The following PCNT variants were observed in gnomAD, a reference collection of about 807,000 sequenced individuals.
The protein encoded by PCNT is kendrin.
A neutral mutation model predicts 380.4 loss-of-function variants in PCNT; 319 were observed. That is an observed-to-expected ratio of 0.84 (90% CI 0.77 to 0.92). The LOEUF is 0.92. Among genes scored for constraint, PCNT ranks in the 40% least tolerant of loss-of-function variants. The pLI, the probability that PCNT is intolerant of heterozygous loss-of-function variation, is 0.00. For missense variants in PCNT, 4,400 were observed against 4,255.3 expected (o/e 1.03, Z -0.95); for synonymous variants, 1,845 against 1,735.2 (o/e 1.06, Z -1.57).
At chr21:46,355,242 G>A (rs997705540) in intron 11 of PCNT, among the ~76,000 whole-genome samples, 3 of 152,226 alleles carry the variant, frequency 2.0e-5, no homozygotes, top group Non-Finnish European at 1.5e-5. Flanking sequence ...TATGTCTTCC[G>A]GAGGCCTGAC....
At chr21:46,421,360 G>C (rs1336978471) in intron 31 of PCNT, among the ~76,000 whole-genome samples, 1 of 152,184 alleles carries the variant, frequency 6.6e-6, no homozygotes, top group Non-Finnish European at 1.5e-5. Context: ...TCTGGGTCTC[G>C]TGTCCCTTAC....
chr21:46,333,954 C>T (rs370454438), intron 2 of PCNT, among the ~76,000 whole-genome samples: 1 of 152,046 alleles, frequency 6.6e-6, no homozygotes, highest in Admixed American at 6.5e-5. Context: ...TGCCTGTAAT[C>T]CCAGCACTTT....
Position 46,346,883 on chromosome 21 carries a change from G to T in PCNT, c.861G>T (p.Arg287=), listed in dbSNP as rs891341743. Reference sequence around the variant, plus strand: ...AGCTGCGGGAGATGCTCAACAGCCGGCGTGCCCAGGAGCTGGCCCTGCTAC... The same window carrying T: ...AGCTGCGGGAGATGCTCAACAGCCGTCGTGCCCAGGAGCTGGCCCTGCTAC... ...LTELREMLNS[R]RAQELALLQS... is the part of the protein sequence containing the mutation. The change falls in exon 5 of 47, where the codon CGG becomes CGT. Residue 287 remains arginine (R), a synonymous_variant. Coordinates refer to ENST00000359568, the MANE Select transcript of PCNT (RefSeq NM_006031.6). 2.4e-5 allele frequency: 39 copies of T among 1,607,168 alleles called. No homozygotes were observed. The highest frequency in any genetic ancestry group is 3.3e-5 in the Non-Finnish European group (39 of 1,177,696).
intron 32 of PCNT, among the ~76,000 whole-genome samples, chr21:46,424,690 CT>C (rs2087412606): frequency 1.7e-5 from 1 of 57,806 alleles, no homozygotes; most frequent in Non-Finnish European, 4.1e-5. Context: ...CGCCGCCCTG[CT>C]CCCCCGGCCC....
intron 29 of PCNT, among the ~76,000 whole-genome samples, chr21:46,413,973 G>A (rs958062631): frequency 6.7e-6 from 1 of 149,628 alleles, no homozygotes; most frequent in Non-Finnish European, 1.5e-5. Flanking sequence ...GGTGCAGATG[G>A]CACCTTTATT....
intron 12 of PCNT, 116 bp downstream of exon 12, chr21:46,355,742 G>T: frequency 2.0e-6 from 2 of 1,008,966 alleles, no homozygotes; most frequent in Non-Finnish European, 3.0e-6. Context: ...TGAGTGCTCC[G>T]ACCTCTTCTT....
chr21:46,347,069 T>C lies in PCNT; in HGVS notation c.976+71T>C, dbSNP rs982874325. ...GGGCATTCTAGTGCCTGTTCCCTCT[T>C]GGGGTTGGGAGCTGGGGCGCCCTAG... is the stretch of plus-strand genomic sequence containing the variant. On this transcript the variant is annotated intron_variant, in intron 5 of 46. Transcript: ENST00000359568. 5 of 1,542,506 alleles carry C rather than the reference T, an allele frequency of 3.2e-6. No individual in the cohort carries two copies. In the African/African-American group the frequency reaches 6.8e-5, roughly 21 times the overall value.
At chr21:46,443,727 T>C in intron 44 of PCNT, 83 bp from the exon 45 acceptor site, 1 of 1,362,590 alleles carries the variant, frequency 7.3e-7, no homozygotes, top group Non-Finnish European at 1.1e-6. Context: ...GCTTATACGT[T>C]TAAACTGTTG....
In PCNT at chr21:46,416,310, C is replaced by G; in HGVS notation, c.6392C>G (p.Ala2131Gly). 6.2e-7 allele frequency: 1 copy of G among 1,613,920 alleles called. No individual in the cohort carries two copies. Among genetic ancestry groups the G allele is most frequent in the Non-Finnish European group, 8.5e-7 (1 of 1,179,886 alleles). The change falls in exon 30 of 47, where the codon GCC becomes GGC. Residue 2131 changes from alanine to glycine, a missense_variant. Coordinates refer to ENST00000359568, the MANE Select transcript of PCNT (RefSeq NM_006031.6). ...DISPHIDTCD[A>G]NTATGGVTDV... ...TCACCCCACATAGACACATGTGATG[C>G]CAATACAGCCACGGGGGGTGTAACT...
chr21:46,386,126 C>T, intron 17 of PCNT, 143 bp downstream of exon 17: 1 of 937,370 alleles, frequency 1.1e-6, no homozygotes. Context: ...GACCCGGCTT[C>T]CTTCTTCTCT....
intron 24 of PCNT, among the ~76,000 whole-genome samples, chr21:46,399,088 G>C (rs1368293280): frequency 6.7e-6 from 1 of 149,206 alleles, no homozygotes; most frequent in East Asian, 2.0e-4. Context: ...CAGAGTGCTG[G>C]GATTACAGGC....
intron 44 of PCNT, 147 bp from the exon 45 acceptor site, chr21:46,443,663 T>C (rs1049841445): frequency 2.0e-5 from 16 of 797,864 alleles, no homozygotes; most frequent in South Asian, 6.1e-5. Context: ...TAAAAAGATA[T>C]TGTACCTTGA....
At position 46,411,905 on chromosome 21, in the gene PCNT, G is replaced by C. The variant is rs1224514294; in HGVS notation, c.5832G>C (p.Gln1944His). ...QVLHQRFLRC[Q>H]VELDRRQARR... ...TGCACCAGCGGTTCCTGAGGTGCCA[G>C]GTGGAGCTGGACAGGCGGCAGGCCC... Residue 1944 changes from glutamine (Q) to histidine (H), a missense_variant, in exon 28 of 47, where the codon CAG becomes CAC. Coordinates refer to ENST00000359568, the MANE Select transcript of PCNT (RefSeq NM_006031.6). 6.3e-7 allele frequency: 1 copy of C among 1,584,720 alleles called. No homozygotes were observed. Among genetic ancestry groups the C allele is most frequent in the Admixed American group, 1.7e-5 (1 of 57,736 alleles).
In PCNT at chr21:46,366,679, A is replaced by G. The variant is rs2146920939; in HGVS notation, c.2705A>G (p.Gln902Arg). 1.9e-6 allele frequency: 3 copies of G among 1,613,802 alleles called. No homozygotes were observed. The highest frequency in any genetic ancestry group is 2.5e-6 in the Non-Finnish European group (3 of 1,179,966). The change falls in exon 15 of 47, where the codon CAG becomes CGG. Residue 902 changes from glutamine to arginine, a missense_variant. Transcript: ENST00000359568. ...CAGGAGCAGCATGCCCGTGAGCTGC[A>G]GCTCCTCCAGGAGAGACACCAGCAG... is the stretch of plus-strand genomic sequence containing the variant. ...EAQEQHAREL[Q>R]LLQERHQQQL... is the part of the protein sequence containing the mutation.
rs781666729 is a variant in PCNT, at chr21:46,425,947, C to G, written c.7296C>G (p.Ile2432Met). ...GGAAGGAAGACGAGATACAGGACAT[C>G]TCGCTCCATGGGGGAAAGACGCAGG... ...PPRKEDEIQD[I>M]SLHGGKTQEV... Residue 2432 changes from isoleucine to methionine, a missense_variant, in exon 33 of 47, where the codon ATC (isoleucine) becomes ATG (methionine). By Grantham distance (10) the Ile-to-Met change is conservative (BLOSUM62 1). Coordinates refer to ENST00000359568, the MANE Select transcript of PCNT (RefSeq NM_006031.6). This position sits in a 1 kb window ranked among gnomAD's most constrained non-coding sequence, Gnocchi z 4.2. 3.1e-6 allele frequency: 5 copies of G among 1,613,968 alleles called. No individual in the cohort carries two copies. The highest frequency in any genetic ancestry group is 4.2e-6 in the Non-Finnish European group (5 of 1,180,040).
At chr21:46,410,729 A>G (rs1352082086) in intron 27 of PCNT, among the ~76,000 whole-genome samples, 1 of 152,168 alleles carries the variant, frequency 6.6e-6, no homozygotes, top group East Asian at 1.9e-4. Flanking sequence ...CGTCACCACG[A>G]GCAGTGTTGG....
rs1451847666 is a variant in PCNT, at chr21:46,443,791, T to G, written c.9701-19T>G. The G allele has an allele frequency of 2.2e-5, 35 of 1,613,332 alleles. No homozygotes were observed. Among genetic ancestry groups the G allele is most frequent in the Non-Finnish European group, 2.9e-5 (34 of 1,179,568 alleles). ...ATTTATTTTCCTAATCCCTTGGTTG[T>G]TAAATAATTCTGGGGAAGGGCCCCG... On this transcript the variant is annotated intron_variant, in intron 44 of 46. Coordinates refer to ENST00000359568, the MANE Select transcript of PCNT (RefSeq NM_006031.6).
At position 46,419,641 on chromosome 21, in the gene PCNT, G is replaced by A. The variant is rs113659986; in HGVS notation, c.7024+1335G>A. Among the ~76,000 whole-genome samples the A allele has an allele frequency of 1.8e-4, 27 of 152,220 alleles. 1 individual carries two copies. Among genetic ancestry groups the A allele is most frequent in the South Asian group, 4.2e-4 (2 of 4,818 alleles). On this transcript the variant is annotated intron_variant, in intron 31 of 46. Coordinates refer to ENST00000359568, the MANE Select transcript of PCNT (RefSeq NM_006031.6). ...TCCTGTGTGCTTCACTGCTGTCCTC[G>A]CACACAGTGTCCAGGTGAATGTCAT...
intron 43 of PCNT, 74 bp downstream of exon 43, chr21:46,441,158 TG>T (rs2053597738): frequency 1.1e-6 from 1 of 941,048 alleles, no homozygotes; most frequent in Admixed American, 1.7e-5. Context: ...CATGGTTTTT[TG>T]GTCATTTTAT....
Sources: gnomAD v4.1 joint callset for allele counts (sites outside exome capture counted in the v4.1 genomes callset) on GRCh38, gnomAD v4.1.1 for gene constraint, Gnocchi (gnomAD v3.1) non-coding constraint, MANE v1.5 for transcripts, NCBI Gene and HGNC (gene_info 2026-07-23, HGNC 2026-07-21) for gene names.